The following PLCB1 variants were observed in gnomAD, a reference collection of about 807,000 sequenced individuals.
PLCB1 encodes 1-phosphatidylinositol 4,5-bisphosphate phosphodiesterase beta-1.
Under a neutral mutation model 161.8 loss-of-function variants are expected in PLCB1, and 46 were observed. The ratio of observed to expected loss-of-function variants is 0.28; its 90% confidence interval spans 0.22 to 0.36. The LOEUF is 0.36. Among genes scored for constraint, PLCB1 ranks in the 10% least tolerant of loss-of-function variants. PLCB1 has a pLI of 1.00. For missense variants in PLCB1, 1,016 were observed against 1,472.5 expected (o/e 0.69, Z 5.07); for synonymous variants, 517 against 503.7 (o/e 1.03, Z -0.35).
intron 3 of PLCB1, among the ~76,000 whole-genome samples, chr20:8,543,001 C>G (rs2423372): frequency 0.28 from 42,330 of 152,100 alleles, 6,385 homozygotes; most frequent in Non-Finnish European, 0.33. Flanking sequence ...CAGTGGTAAA[C>G]AGAACAGATC....
At chr20:8,433,709 C>CTCCTCCTCCTCCTCA (rs957613316) in intron 3 of PLCB1, among the ~76,000 whole-genome samples, 1 of 122,190 alleles carries the variant, frequency 8.2e-6, no homozygotes. Context: ...TCTCCTCTTC[C>CTCCTCCTCCTCCTCA]TCCTCCTCCT....
chr20:8,353,973 C>A (rs1376365137), intron 2 of PLCB1, among the ~76,000 whole-genome samples: 1 of 148,140 alleles, frequency 6.8e-6, no homozygotes, highest in Non-Finnish European at 1.5e-5. Context: ...ATTCTCTGTA[C>A]AAATTTTCTG....
At chr20:8,413,736 A>G (rs1273389624) in intron 3 of PLCB1, among the ~76,000 whole-genome samples, 2 of 152,318 alleles carry the variant, frequency 1.3e-5, no homozygotes, top group Middle Eastern at 6.8e-3. Context: ...AAATTTTTTA[A>G]CATATTCTGA....
chr20:8,715,888 T>A (rs1349864970), intron 12 of PLCB1: 1 of 185,598 alleles, frequency 5.4e-6, no homozygotes, highest in Non-Finnish European at 1.1e-5. Context: ...ATAATTTACA[T>A]GGAAATATGA....
intron 31 of PLCB1, among the ~76,000 whole-genome samples, chr20:8,819,285 A>G (rs1985223228): frequency 2.0e-5 from 3 of 152,206 alleles, no homozygotes; most frequent in Admixed American, 2.0e-4. Context: ...CTTTTCAATA[A>G]ACATTGAAAG....
chr20:8,866,719 A>G (rs867996630), intron 31 of PLCB1, among the ~76,000 whole-genome samples: 6 of 152,184 alleles, frequency 3.9e-5, no homozygotes, highest in Non-Finnish European at 5.9e-5. Context: ...GCCCTGCCTC[A>G]GTTTGCTCTC....
At chr20:8,790,933 T>G (rs1264271374) in intron 31 of PLCB1, among the ~76,000 whole-genome samples, 2 of 152,194 alleles carry the variant, frequency 1.3e-5, no homozygotes, top group Non-Finnish European at 1.5e-5. Context: ...AGTTTTCTGT[T>G]TGTGGAAATT....
At position 8,834,199 on chromosome 20, in the gene PLCB1, C is replaced by A. The variant is rs569168238; in HGVS notation, c.3423+43938C>A. On this transcript the variant is annotated intron_variant, in intron 31 of 31. Coordinates refer to ENST00000338037, the MANE Select transcript of PLCB1 (RefSeq NM_015192.4). Reference sequence around the variant, plus strand: ...CTCCCATTAAGTTTTCATAGGCAAGCAATACATAAAATAAAGAGGTAAAGT... The same window carrying A: ...CTCCCATTAAGTTTTCATAGGCAAGAAATACATAAAATAAAGAGGTAAAGT... Among the ~76,000 whole-genome samples, 6 of 151,870 alleles carry A rather than the reference C, an allele frequency of 4.0e-5. No homozygotes were observed. In the South Asian group the frequency reaches 1.3e-3, roughly 32 times the overall value.
At chr20:8,624,678 G>A (rs1054225327) in intron 3 of PLCB1, among the ~76,000 whole-genome samples, 8 of 152,124 alleles carry the variant, frequency 5.3e-5, no homozygotes, top group African/African-American at 1.9e-4. Context: ...ACCTGAAAAT[G>A]GGAATCATTA....
At chr20:8,404,161 T>C (rs1978686770) in intron 3 of PLCB1, among the ~76,000 whole-genome samples, 1 of 152,152 alleles carries the variant, frequency 6.6e-6, no homozygotes, top group Non-Finnish European at 1.5e-5. Flanking sequence ...GACAATCAAC[T>C]TTCATTGAAA....
chr20:8,424,556 AGTT>A (rs562300584), intron 3 of PLCB1, among the ~76,000 whole-genome samples: 301 of 152,016 alleles, frequency 2.0e-3, no homozygotes, highest in African/African-American at 6.1e-3. Context: ...CTGCATTCTG[AGTT>A]GTTGTTGTTT....
intron 2 of PLCB1, among the ~76,000 whole-genome samples, chr20:8,155,351 G>A (rs1004288460): frequency 1.3e-4 from 20 of 152,212 alleles, no homozygotes; most frequent in African/African-American, 3.4e-4. Context: ...GTTCTGCCCT[G>A]TGAATTTGCA....
intron 2 of PLCB1, among the ~76,000 whole-genome samples, chr20:8,193,408 T>C (rs2051990549): frequency 6.6e-6 from 1 of 151,740 alleles, no homozygotes; most frequent in Non-Finnish European, 1.5e-5. Flanking sequence ...AGAAAAAATT[T>C]TTAAAAAAAA....
rs1006674390 is a variant in PLCB1 at position 8,502,756 on chromosome 20, A to G, written c.247-125538A>G. Reference sequence around the variant, plus strand: ...GAATTCTTCGAAAATTTGCTGGCAGAATAGTTGTAGAAAACCCCAATTACA... The same window carrying G: ...GAATTCTTCGAAAATTTGCTGGCAGGATAGTTGTAGAAAACCCCAATTACA... On this transcript the variant is annotated intron_variant, in intron 3 of 31. Transcript: ENST00000338037. Among the ~76,000 whole-genome samples the G allele has an allele frequency of 5.3e-5, 8 of 152,306 alleles. 1 individual carries two copies. Among genetic ancestry groups the G allele is most frequent in the African/African-American group, 1.9e-4 (8 of 41,560 alleles).
chr20:8,140,623 T>G (rs1041744044), intron 1 of PLCB1, among the ~76,000 whole-genome samples: 4 of 152,132 alleles, frequency 2.6e-5, no homozygotes, highest in Admixed American at 6.5e-5. Flanking sequence ...GCATTTCACG[T>G]AGAAGCAAAT....
chr20:8,689,758 G>A (rs2123410747), intron 10 of PLCB1, among the ~76,000 whole-genome samples: 1 of 151,482 alleles, frequency 6.6e-6, no homozygotes, highest in Middle Eastern at 3.4e-3. Flanking sequence ...TTCTTCTGAA[G>A]TCATTCATAT....
chr20:8,779,697 C>T (rs190200259), intron 27 of PLCB1, among the ~76,000 whole-genome samples: 12 of 152,208 alleles, frequency 7.9e-5, no homozygotes, highest in Middle Eastern at 3.4e-3. Context: ...ATAGGATTCC[C>T]AGGTGTCTTG....
At chr20:8,745,931 TTTTG>T (rs1276162740) in intron 23 of PLCB1, among the ~76,000 whole-genome samples, 14 of 152,318 alleles carry the variant, frequency 9.2e-5, no homozygotes, top group African/African-American at 1.4e-4. Flanking sequence ...CTATGTACAT[TTTTG>T]TTTGTTTGTT....
chr20:8,240,604 A>G (rs993971241), intron 2 of PLCB1, among the ~76,000 whole-genome samples: 1 of 151,970 alleles, frequency 6.6e-6, no homozygotes, highest in Admixed American at 6.6e-5. Flanking sequence ...TCTTTGGGAT[A>G]CATAGGGAAG....
Sources: allele counts gnomAD v4.1 joint callset (sites outside exome capture counted in the v4.1 genomes callset), GRCh38; gene constraint gnomAD v4.1.1; transcripts MANE v1.5; gene names NCBI Gene and HGNC (gene_info 2026-07-23, HGNC 2026-07-21).